The following ZNF254 variants were observed in gnomAD, a reference collection of about 807,000 sequenced individuals.
ZNF254 encodes CTD-2017D11.1.
Under a neutral mutation model 12.4 loss-of-function variants are expected in ZNF254, and 10 were observed. The ratio of observed to expected loss-of-function variants is 0.80; its 90% CI spans 0.50 to 1.36. ZNF254 has a LOEUF of 1.36. ZNF254 is among the 40% of genes most tolerant of loss of function. The pLI, the probability that ZNF254 is intolerant of heterozygous loss-of-function variation, is 0.00. For missense variants in ZNF254, 996 were observed against 763.9 expected (o/e 1.30, Z -3.58); for synonymous variants, 305 against 253.4 (o/e 1.20, Z -1.93).
At chr19:24,069,478 G>T (rs796213257) in intron 2 of ZNF254, among the ~76,000 whole-genome samples, 48 of 150,440 alleles carry the variant, frequency 3.2e-4, no homozygotes, top group African/African-American at 1.1e-3. Flanking sequence ...GTGGTGGCGG[G>T]TGTCTAATCC....
intron 2 of ZNF254, among the ~76,000 whole-genome samples, chr19:24,047,596 CTTTTT>C (rs386388790): frequency 1.1e-3 from 120 of 107,910 alleles, no homozygotes; most frequent in African/African-American, 4.2e-3. Context: ...TTCATTCTTC[CTTTTT>C]TTTTTTTTTT....
At chr19:24,040,502 T>C (rs1970115798) in intron 1 of ZNF254, among the ~76,000 whole-genome samples, 1 of 152,212 alleles carries the variant, frequency 6.6e-6, no homozygotes. Flanking sequence ...TATCCCTTCC[T>C]TTCTATATCC....
intron 2 of ZNF254, among the ~76,000 whole-genome samples, chr19:24,062,983 T>G (rs1971133271): frequency 1.3e-5 from 2 of 151,996 alleles, no homozygotes; most frequent in Admixed American, 6.6e-5. Context: ...GTATTTTTAG[T>G]AGAACTGGGG....
Position 24,091,897 on chromosome 19 carries a change from T to TC in ZNF254, c.30+4560_30+4561insC. 5 of 801,800 alleles carry TC rather than the reference T, an allele frequency of 6.2e-6. No individual in the cohort carries two copies. The African/African-American group carries it at 1.0e-4, about 16-fold the overall frequency. The allele number at this position is 801,800 out of a possible 1,614,324, so 49.7% of individuals were successfully genotyped here. A position where few individuals can be genotyped will look rare whatever the true frequency, so the allele number is the denominator to read the frequency against. On this transcript the variant is annotated intron_variant, in intron 1 of 3. Transcript: ENST00000357002. Reference sequence around the variant, plus strand: ...ATGTGATTAATTTTTTTTTTTTTTTTGAGATGGAGTCTCGCTCTGTTGGCC... The same window carrying TC: ...ATGTGATTAATTTTTTTTTTTTTTTTCGAGATGGAGTCTCGCTCTGTTGGCC...
chr19:24,057,630 A>G (rs10402585), intron 2 of ZNF254, among the ~76,000 whole-genome samples: 13,589 of 152,272 alleles, frequency 0.089, 1,051 homozygotes, highest in African/African-American at 0.2. Context: ...AATACAATCC[A>G]CTGGATGTTC....
At chr19:24,064,469 C>G (rs1340546989) in intron 2 of ZNF254, 1 of 152,118 alleles carries the variant, frequency 6.6e-6, no homozygotes, top group East Asian at 1.9e-4. Context: ...CATCCAGCAC[C>G]TAAGTGATGT....
At chr19:24,094,088 A>G (rs1410791784) in intron 1 of ZNF254, among the ~76,000 whole-genome samples, 1 of 152,150 alleles carries the variant, frequency 6.6e-6, no homozygotes, top group Non-Finnish European at 1.5e-5. Context: ...GTTGATTTAC[A>G]GGGACGCTAC....
At chr19:24,085,426 A>ATATATATATATATATATATATATATAT (rs369443689), upstream of ZNF254, among the ~76,000 whole-genome samples, 343 of 105,542 alleles carry the variant, frequency 3.2e-3, 15 homozygotes, top group Middle Eastern at 5.4e-3. Flanking sequence ...ATATATATAT[A>ATATATATATATATATATATATATATAT]AAAACTAAGA....
At chr19:24,106,791 T>C in intron 3 of ZNF254, 148 bp downstream of exon 3, 1 of 529,850 alleles carries the variant, frequency 1.9e-6, no homozygotes, top group Non-Finnish European at 3.2e-6. Context: ...TACTCTCACA[T>C]AGGGGCATCT....
At chr19:24,041,385 G>A (rs1306654829) in intron 1 of ZNF254, among the ~76,000 whole-genome samples, 1 of 152,254 alleles carries the variant, frequency 6.6e-6, no homozygotes, top group Non-Finnish European at 1.5e-5. Flanking sequence ...GTGGGCGTGG[G>A]CTTGGTGGGC....
chr19:24,086,976 C>T (rs1316913685), upstream of ZNF254, among the ~76,000 whole-genome samples: 1 of 152,162 alleles, frequency 6.6e-6, no homozygotes, highest in African/African-American at 2.4e-5. Context: ...CTGGGGTGGG[C>T]CTGGCTCAGC....
intron 1 of ZNF254, among the ~76,000 whole-genome samples, chr19:24,090,491 C>T (rs2145666242): frequency 6.6e-6 from 1 of 152,292 alleles, no homozygotes; most frequent in East Asian, 1.9e-4. Flanking sequence ...GGCTGGAGCG[C>T]AGTGGTACCA....
rs1004745114 is a variant in ZNF254 at position 24,122,361 on chromosome 19, A to G, written c.254-3893A>G. Among the ~76,000 whole-genome samples, 4 of 152,078 alleles carry G rather than the reference A, an allele frequency of 2.6e-5. No individual in the cohort carries two copies. The East Asian group carries it at 7.7e-4, about 29-fold the overall frequency. On this transcript the variant is annotated intron_variant, in intron 3 of 3. Coordinates refer to ENST00000357002, the MANE Select transcript of ZNF254 (RefSeq NM_203282.4). ...TGCCTCAGCCTCCTTAGTAGCTCAGATTACAGGTGACCGCCATCATGCCTG... is the reference window on the plus strand; with the variant it reads ...TGCCTCAGCCTCCTTAGTAGCTCAGGTTACAGGTGACCGCCATCATGCCTG...
chr19:24,108,797 CAATAT>C (rs1389436522), intron 3 of ZNF254, among the ~76,000 whole-genome samples: 1 of 152,094 alleles, frequency 6.6e-6, no homozygotes. Flanking sequence ...ACATTTAGGG[CAATAT>C]AATAGAATAT....
rs915159225 is a variant in ZNF254 at position 24,126,827 on chromosome 19, A to G, written c.827A>G (p.Asn276Ser). The change falls in exon 4 of 4, where the codon AAT becomes AGT. Residue 276 changes from asparagine to serine, a missense_variant. By Grantham distance (46) the Asn-to-Ser change is conservative (BLOSUM62 1). Coordinates refer to ENST00000357002, the MANE Select transcript of ZNF254 (RefSeq NM_203282.4). The stretch of plus-strand genomic sequence containing the variant: ...TGTGAAGAATGTGGTGAAGCTTTTA[A>G]TCGATCCTCAAATCTTACTACACAT... Reference protein sequence around the residue: ...YKCEECGEAFNRSSNLTTHKI... With the variant: ...YKCEECGEAFSRSSNLTTHKI... 4.3e-6 allele frequency: 7 copies of G among 1,613,014 alleles called. No individual in the cohort carries two copies. The highest frequency in any genetic ancestry group is 1.7e-5 in the Admixed American group (1 of 59,810).
chr19:24,085,747 GGGCGAAAGAGCAAGCC>G (rs1972014607), upstream of ZNF254, among the ~76,000 whole-genome samples: 2 of 151,508 alleles, frequency 1.3e-5, no homozygotes, highest in African/African-American at 4.9e-5. Flanking sequence ...ACTTCAGCCT[GGGCGAAAGAGCAAGCC>G]TCTCCTGGAA....
intron 3 of ZNF254, among the ~76,000 whole-genome samples, chr19:24,115,439 A>C (rs1973983700): frequency 2.8e-5 from 4 of 142,766 alleles, no homozygotes; most frequent in South Asian, 2.2e-4. Context: ...AAAACCAAAC[A>C]CCGCATATTC....
chr19:24,052,034 A>G (rs2145317788), intron 2 of ZNF254, among the ~76,000 whole-genome samples: 1 of 152,284 alleles, frequency 6.6e-6, no homozygotes, highest in African/African-American at 2.4e-5. Flanking sequence ...TGAGCCCATT[A>G]TATAGGTGAT....
intron 2 of ZNF254, among the ~76,000 whole-genome samples, chr19:24,048,059 T>C (rs1970474415): frequency 8.3e-6 from 1 of 120,866 alleles, no homozygotes; most frequent in African/African-American, 3.2e-5. Context: ...CAGAGGTAGG[T>C]GGGAAGCTCT....
Sources: allele counts gnomAD v4.1 joint callset (sites outside exome capture counted in the v4.1 genomes callset), GRCh38; gene constraint gnomAD v4.1.1; transcripts MANE v1.5; gene names NCBI Gene and HGNC (gene_info 2026-07-23, HGNC 2026-07-21).